UGT3A2: variants seen among roughly 807,000 people sequenced by gnomAD.
The protein encoded by UGT3A2 is UDP-glycosyltransferase 3A2.
In UGT3A2, 32 loss-of-function variants were observed where a neutral mutation model predicts 39.8. That is an observed-to-expected ratio of 0.80 (90% CI 0.61 to 1.08). The LOEUF (loss-of-function observed/expected upper bound fraction) is 1.08, where lower values mean the gene tolerates loss of function less well. Among genes scored for constraint, UGT3A2 ranks in the 50% least tolerant of loss-of-function variants. The pLI is 0.00. For missense variants in UGT3A2, 611 were observed against 637.1 expected, an observed-to-expected ratio of 0.96 and a Z score of 0.44; for synonymous variants, 241 against 230.7, an observed-to-expected ratio of 1.04 and a Z score of -0.40.
chr5:36,048,892 T>C lies in UGT3A2; in HGVS notation c.840A>G (p.Pro280=), dbSNP rs1742247476. The change falls in exon 4 of 7, where the codon CCA becomes CCG. Residue 280 remains proline (P), a synonymous_variant. Transcript: ENST00000282507. ...GLMEKPIKPV[P]QDLENFIAKF... is the part of the protein sequence containing the mutation. ...TGAATGCTGAGGGTTCACTTACTTG[T>C]GGTACTGGTTTAATAGGTTTTTCCA... 1 of 1,612,886 alleles carries C rather than the reference T, an allele frequency of 6.2e-7. No homozygotes were observed. The highest frequency in any genetic ancestry group is 1.3e-5 in the African/African-American group (1 of 74,968).
At chr5:36,054,188 A>G (rs997969094) in intron 2 of UGT3A2, among the ~76,000 whole-genome samples, 1 of 152,224 alleles carries the variant, frequency 6.6e-6, no homozygotes, top group Non-Finnish European at 1.5e-5. Flanking sequence ...TTTAAACTGG[A>G]TTCACCTGGG....
chr5:36,044,385 C>T (rs1409764668), intron 4 of UGT3A2, among the ~76,000 whole-genome samples: 1 of 152,066 alleles, frequency 6.6e-6, no homozygotes, highest in Non-Finnish European at 1.5e-5. Flanking sequence ...TAGTATCACA[C>T]TAAATGGGGA....
intron 6 of UGT3A2, 74 bp from the exon 7 acceptor site, chr5:36,036,048 T>G (rs1741817964): frequency 6.5e-7 from 1 of 1,540,222 alleles, no homozygotes; most frequent in South Asian, 1.2e-5. Context: ...CCGTTCTATA[T>G]GATGCACCAA....
chr5:36,039,504 C>T lies in UGT3A2; in HGVS notation c.1048G>A (p.Asp350Asn), dbSNP rs1043591700. Residue 350 changes from aspartate to asparagine, a missense_variant, in exon 5 of 7, where the codon GAC becomes AAC. Physicochemically the swap from Asp to Asn is conservative, Grantham distance 23 (BLOSUM62 1). Coordinates refer to ENST00000282507, the MANE Select transcript of UGT3A2 (RefSeq NM_174914.4). The stretch of plus-strand genomic sequence containing the variant: ...AGGAGGTCACTCTGAGGAAGCCAGT[C>T]CACAATTTTCACATTTGCAGCCAGG... ...VHLAANVKIV[D>N]WLPQSDLLAH... is the part of the protein sequence containing the mutation. 1.2e-6 allele frequency: 2 copies of T among 1,614,040 alleles called. No homozygotes were observed. Among genetic ancestry groups the T allele is most frequent in the African/African-American group, 2.7e-5 (2 of 74,930 alleles).
intron 1 of UGT3A2, among the ~76,000 whole-genome samples, 183 bp downstream of exon 1, chr5:36,066,513 C>A (rs543116265): frequency 6.6e-6 from 1 of 152,210 alleles, no homozygotes; most frequent in African/African-American, 2.4e-5. Context: ...TTCTTCCCCA[C>A]CTCAGCAATA....
At chr5:36,057,180 C>G (rs913188831) in intron 2 of UGT3A2, among the ~76,000 whole-genome samples, 1 of 152,158 alleles carries the variant, frequency 6.6e-6, no homozygotes, top group Admixed American at 6.5e-5. Context: ...ATTAAAGTTG[C>G]AAATAAATAA....
chr5:36,054,268 C>T (rs115664333), intron 2 of UGT3A2, among the ~76,000 whole-genome samples: 250 of 152,188 alleles, frequency 1.6e-3, no homozygotes, highest in African/African-American at 5.9e-3. Flanking sequence ...TTTTGCCTTT[C>T]GAACATGTAA....
chr5:36,038,602 C>T (rs1741908190), intron 5 of UGT3A2, among the ~76,000 whole-genome samples: 1 of 152,228 alleles, frequency 6.6e-6, no homozygotes, highest in African/African-American at 2.4e-5. Flanking sequence ...GCCAGCGTTA[C>T]TTAGAGCTAA....
intron 1 of UGT3A2, 109 bp downstream of exon 1, chr5:36,066,587 A>G: frequency 6.3e-7 from 1 of 1,576,944 alleles, no homozygotes; most frequent in Non-Finnish European, 8.7e-7. Flanking sequence ...CCGCAAGCCC[A>G]GCCTGGAAAA....
chr5:36,039,816 T>G (rs985937034), intron 4 of UGT3A2, 108 bp from the exon 5 acceptor site: 1 of 830,398 alleles, frequency 1.2e-6, no homozygotes, highest in African/African-American at 1.7e-5. Flanking sequence ...CTGTCCTCAC[T>G]GTCCCAAAGC....
chr5:36,037,004 C>T (rs1741850965), intron 6 of UGT3A2, among the ~76,000 whole-genome samples: 2 of 152,180 alleles, frequency 1.3e-5, no homozygotes, highest in Admixed American at 1.3e-4. Flanking sequence ...TGTGGCAGAT[C>T]CTGTGCTAGG....
intron 2 of UGT3A2, among the ~76,000 whole-genome samples, chr5:36,063,979 T>C (rs1210342119): frequency 6.6e-6 from 1 of 152,166 alleles, no homozygotes; most frequent in East Asian, 1.9e-4. Flanking sequence ...GTAGTATTTG[T>C]TAAAATAATC....
At chr5:36,059,368 T>G (rs1742614926) in intron 2 of UGT3A2, among the ~76,000 whole-genome samples, 1 of 151,286 alleles carries the variant, frequency 6.6e-6, no homozygotes, top group African/African-American at 2.4e-5. Context: ...TCTCTTTTTT[T>G]TTTTTTTTTT....
Position 36,037,778 on chromosome 5 carries a change from A to G in UGT3A2, c.1295+19T>C. ...GCCTTCATTCGTCATTATGACCACAACCCCAAGGAGCTGCATACCTCTTGT... is the reference window on the plus strand; with the variant it reads ...GCCTTCATTCGTCATTATGACCACAGCCCCAAGGAGCTGCATACCTCTTGT... On this transcript the variant is annotated intron_variant, in intron 6 of 6. Coordinates refer to ENST00000282507, the MANE Select transcript of UGT3A2 (RefSeq NM_174914.4). 6.2e-7 allele frequency: 1 copy of G among 1,613,918 alleles called. No individual in the cohort carries two copies. Among genetic ancestry groups the G allele is most frequent in the South Asian group, 1.1e-5 (1 of 91,028 alleles).
At chr5:36,042,874 C>T (rs1375723096) in intron 4 of UGT3A2, among the ~76,000 whole-genome samples, 1 of 151,878 alleles carries the variant, frequency 6.6e-6, no homozygotes, top group East Asian at 1.9e-4. Context: ...AACTGGAGCA[C>T]CCAGACATAG....
intron 3 of UGT3A2, among the ~76,000 whole-genome samples, chr5:36,050,689 C>A (rs1364430232): frequency 1.3e-5 from 2 of 152,072 alleles, no homozygotes; most frequent in African/African-American, 4.8e-5. Flanking sequence ...TGGTGAAATG[C>A]CGTCACTACT....
rs191544505 is a variant in UGT3A2 at position 36,039,273 on chromosome 5, G to T, written c.1075+204C>A. ...AGGTCTGGGATAGAAAAGAATGAAG[G>T]AAAGTTGGCTGCTTTGGCATCTGAT... On this transcript the variant is annotated intron_variant, in intron 5 of 6. Transcript: ENST00000282507. Among the ~76,000 whole-genome samples the T allele has an allele frequency of 2.0e-5, 3 of 152,310 alleles. No homozygotes were observed. In the East Asian group the frequency reaches 5.8e-4, roughly 29 times the overall value.
intron 4 of UGT3A2, among the ~76,000 whole-genome samples, chr5:36,044,184 A>G (rs1221892190): frequency 1.3e-5 from 2 of 152,176 alleles, no homozygotes; most frequent in East Asian, 1.9e-4. Flanking sequence ...ATCGTTCAAC[A>G]TATGCAAATC....
At chr5:36,054,982 T>C (rs1030901019) in intron 2 of UGT3A2, among the ~76,000 whole-genome samples, 4 of 152,072 alleles carry the variant, frequency 2.6e-5, no homozygotes, top group Non-Finnish European at 5.9e-5. Flanking sequence ...TCCTCATACC[T>C]TTTAGTCCAA....
Sources: gnomAD v4.1 joint callset for allele counts (sites outside exome capture counted in the v4.1 genomes callset) on GRCh38, gnomAD v4.1.1 for gene constraint, MANE v1.5 for transcripts, NCBI Gene and HGNC (gene_info 2026-07-23, HGNC 2026-07-21) for gene names.